CLMN: variants seen among roughly 807,000 people sequenced by gnomAD.
CLMN encodes the protein calmin, also known as calmin (calponin-like, transmembrane).
A neutral mutation model predicts 92.7 loss-of-function variants in CLMN; 57 were observed. That is an observed-to-expected ratio of 0.61 (90% CI 0.50 to 0.77). The LOEUF (loss-of-function observed/expected upper bound fraction) is 0.77. Ranked by LOEUF, CLMN falls within the 30% of genes least tolerant of loss-of-function variation. CLMN has a pLI of 0.00. For missense variants in CLMN, 1,158 were observed against 1,237.5 expected, an observed-to-expected ratio of 0.94 and a Z score of 0.96; for synonymous variants, 466 against 470.6, an observed-to-expected ratio of 0.99 and a Z score of 0.13.
intron 1 of CLMN, among the ~76,000 whole-genome samples, chr14:95,297,847 A>G (rs1900875630): frequency 7.0e-6 from 1 of 142,328 alleles, no homozygotes; most frequent in Non-Finnish European, 1.6e-5. Flanking sequence ...ACACACACAC[A>G]CACAGAGTGC....
intron 1 of CLMN, among the ~76,000 whole-genome samples, chr14:95,286,077 T>C (rs1900330046): frequency 6.6e-6 from 1 of 152,218 alleles, no homozygotes; most frequent in Admixed American, 6.5e-5. Flanking sequence ...GAAAAACTTC[T>C]TCCTCTGGCT....
At position 95,221,724 on chromosome 14, in the gene CLMN, T is replaced by G. The variant is rs766332091; in HGVS notation, c.291A>C (p.Ile97=). 3.7e-6 allele frequency: 6 copies of G among 1,614,226 alleles called. No individual in the cohort carries two copies. The highest frequency in any genetic ancestry group is 4.2e-6 in the Non-Finnish European group (5 of 1,180,030). The change falls in exon 4 of 13, where the codon ATA becomes ATC. Residue 97 remains isoleucine, a synonymous_variant. Transcript: ENST00000298912. ...SSHRIFRLNN[I]AKALKFLEDS... ...CTTCCAAAAACTTAAGTGCTTTCGC[T>G]ATGTTGTTCAACCGAAAAATACGAT...
intron 1 of CLMN, among the ~76,000 whole-genome samples, chr14:95,252,365 G>A (rs189215946): frequency 6.6e-6 from 1 of 152,218 alleles, no homozygotes; most frequent in East Asian, 1.9e-4. Flanking sequence ...GATAAAATGA[G>A]AGCTGGTATT....
In CLMN at chr14:95,203,749, T is replaced by C. The variant is rs755295429; in HGVS notation, c.1600A>G (p.Met534Val). 17 of 1,614,048 alleles carry C rather than the reference T, an allele frequency of 1.1e-5. No individual in the cohort carries two copies. The highest frequency in any genetic ancestry group is 7.7e-5 in the South Asian group (7 of 91,088). The change falls in exon 9 of 13, where the codon ATG becomes GTG. Residue 534 changes from methionine (M) to valine (V), a missense_variant. Physicochemically the swap from Met to Val is conservative, Grantham distance 21. Coordinates refer to ENST00000298912, the MANE Select transcript of CLMN (RefSeq NM_024734.4). ...ACCTTGATCTGGAAGGAATCGGCCA[T>C]CACAGTATTTTCTCCTGGGGGTGAA... ...SLSPPGENTV[M>V]ADSFQIKVNL...
At chr14:95,225,880 G>A (rs1300387333) in intron 2 of CLMN, among the ~76,000 whole-genome samples, 3 of 152,354 alleles carry the variant, frequency 2.0e-5, no homozygotes, top group East Asian at 1.9e-4. Context: ...ACACTGTTTG[G>A]TTCCACACGG....
At chr14:95,202,296 T>C (rs751174708) in intron 9 of CLMN, among the ~76,000 whole-genome samples, 1 of 152,196 alleles carries the variant, frequency 6.6e-6, no homozygotes, top group Non-Finnish European at 1.5e-5. Context: ...TGGAATCTCA[T>C]TGTGGTTTTG....
intron 1 of CLMN, among the ~76,000 whole-genome samples, chr14:95,311,805 T>A (rs1481444978): frequency 6.6e-6 from 1 of 152,116 alleles, no homozygotes. Flanking sequence ...TTTTCCTCTG[T>A]ACCCCATCCT....
At chr14:95,220,397 G>C (rs1156770686) in intron 4 of CLMN, among the ~76,000 whole-genome samples, 4 of 152,026 alleles carry the variant, frequency 2.6e-5, no homozygotes, top group African/African-American at 7.2e-5. Context: ...GGCTAGTCTT[G>C]AACTCCTGAC....
intron 2 of CLMN, among the ~76,000 whole-genome samples, chr14:95,226,905 C>T (rs1013214274): frequency 3.3e-5 from 5 of 152,196 alleles, no homozygotes; most frequent in Non-Finnish European, 5.9e-5. Flanking sequence ...TAAGCTTCCA[C>T]CCCGGCATGA....
At chr14:95,196,403 A>C (rs1020736067) in intron 10 of CLMN, 95 bp downstream of exon 10, 1 of 1,240,062 alleles carries the variant, frequency 8.1e-7, no homozygotes, top group Non-Finnish European at 1.1e-6. Flanking sequence ...GTCCAATCCC[A>C]TGCCTGCACC....
intron 1 of CLMN, among the ~76,000 whole-genome samples, chr14:95,269,210 T>C (rs1899609172): frequency 6.6e-6 from 1 of 152,186 alleles, no homozygotes; most frequent in Non-Finnish European, 1.5e-5. Flanking sequence ...TGTGCTTATA[T>C]TTAGTTTTAA....
At position 95,210,785 on chromosome 14, in the gene CLMN, T is replaced by G; in HGVS notation, c.703A>C (p.Met235Leu). The G allele has an allele frequency of 1.2e-6, 2 of 1,602,160 alleles. No individual in the cohort carries two copies. The highest frequency in any genetic ancestry group is 1.7e-6 in the Non-Finnish European group (2 of 1,175,492). The change falls in exon 7 of 13, where the codon ATG becomes CTG. Residue 235 changes from methionine to leucine, a missense_variant. Coordinates refer to ENST00000298912, the MANE Select transcript of CLMN (RefSeq NM_024734.4). ...IKAIDPSLVD[M>L]KQALENSTRE... The stretch of plus-strand genomic sequence containing the variant: ...GTGGAATTTTCCAGGGCCTGTTTCA[T>G]GTCCACCAGGCTGGGGTCAATGGCC...
At chr14:95,275,050 T>C (rs998058063) in intron 1 of CLMN, among the ~76,000 whole-genome samples, 1 of 151,200 alleles carries the variant, frequency 6.6e-6, no homozygotes, top group African/African-American at 2.4e-5. Flanking sequence ...GGCCAGATAG[T>C]GGTCTAGCCC....
chr14:95,252,247 C>T (rs2140680729), intron 1 of CLMN, among the ~76,000 whole-genome samples: 1 of 152,304 alleles, frequency 6.6e-6, no homozygotes, highest in South Asian at 2.1e-4. Flanking sequence ...GCTGCCTGGC[C>T]TCGACCATTT....
chr14:95,298,615 C>T (rs934094433), intron 1 of CLMN, among the ~76,000 whole-genome samples: 5 of 152,182 alleles, frequency 3.3e-5, no homozygotes, highest in African/African-American at 1.2e-4. Context: ...CTAAGTTAAT[C>T]TTGGGTCAGA....
At chr14:95,223,894 C>G (rs2140622559) in intron 2 of CLMN, 39 bp from the exon 3 acceptor site, 1 of 1,382,028 alleles carries the variant, frequency 7.2e-7, no homozygotes, top group Middle Eastern at 1.8e-4. Flanking sequence ...AATTAGCAAC[C>G]TGTGTGATCC....
chr14:95,319,305 A>ACACACT (rs1555397643), intron 1 of CLMN, among the ~76,000 whole-genome samples: 1 of 10,448 alleles, frequency 9.6e-5, no homozygotes, highest in Non-Finnish European at 4.3e-4. Context: ...GCGCGAACTC[A>ACACACT]CACACACACA....
At chr14:95,267,871 A>G (rs569815881) in intron 1 of CLMN, among the ~76,000 whole-genome samples, 4 of 152,252 alleles carry the variant, frequency 2.6e-5, no homozygotes, top group Non-Finnish European at 5.9e-5. Context: ...GGTTGCAGCA[A>G]TATGGATGAA....
At chr14:95,264,439 G>A (rs868466533) in intron 1 of CLMN, among the ~76,000 whole-genome samples, 10 of 152,122 alleles carry the variant, frequency 6.6e-5, no homozygotes, top group South Asian at 2.1e-4. Flanking sequence ...GGTTAGTCCC[G>A]TAAAACATTC....
Sources: gnomAD v4.1 joint callset for allele counts (sites outside exome capture counted in the v4.1 genomes callset) on GRCh38, gnomAD v4.1.1 for gene constraint, MANE v1.5 for transcripts, NCBI Gene and HGNC (gene_info 2026-07-23, HGNC 2026-07-21) for gene names.